Variants in ZNF35 observed in about 807,000 individuals in gnomAD.
ZNF35 encodes zinc finger protein 35 (clone HF.10).
ZNF35 carries 31 observed loss-of-function variants against 45.9 expected under a neutral mutation model. The observed-to-expected ratio is 0.68, with a 90% confidence interval of 0.51 to 0.91. ZNF35 has a LOEUF of 0.91. Ranked by LOEUF, ZNF35 falls within the 40% of genes least tolerant of loss-of-function variation. ZNF35 has a pLI of 0.00. For synonymous variants in ZNF35, 205 were observed against 220.2 expected (o/e 0.93, Z 0.61); for missense variants, 515 against 625.4 (o/e 0.82, Z 1.88).
intron 3 of ZNF35, among the ~76,000 whole-genome samples, chr3:44,656,424 T>C (rs1052085439): frequency 6.6e-6 from 1 of 150,918 alleles, no homozygotes; most frequent in African/African-American, 2.4e-5. Flanking sequence ...TGAGTTTCGC[T>C]CTGCTGCCCA....
chr3:44,656,967 G>A (rs1703321504), intron 3 of ZNF35, among the ~76,000 whole-genome samples: 2 of 152,194 alleles, frequency 1.3e-5, no homozygotes, highest in South Asian at 2.1e-4. Context: ...GAAGTGCTGG[G>A]GTTACAGGCA....
intron 3 of ZNF35, among the ~76,000 whole-genome samples, chr3:44,656,556 A>AT (rs1018966916): frequency 8.6e-5 from 13 of 151,138 alleles, no homozygotes; most frequent in Non-Finnish European, 1.9e-4. Context: ...ACACCCACCT[A>AT]TTTTTTTTGT....
In ZNF35 at chr3:44,659,938, T is replaced by C. The variant is rs758829151; in HGVS notation, c.1575T>C (p.Leu525=). 6.5e-7 allele frequency: 1 copy of C among 1,541,670 alleles called. No individual in the cohort carries two copies. The highest frequency in any genetic ancestry group is 2.0e-5 in the Admixed American group (1 of 48,864). ...SHLMRHHRTH[L]VE Reference sequence around the variant, plus strand: ...TCATGCGACACCATAGAACCCATCTTGTTGAATAACAAGTAAGGAAGAGGA... The same window carrying C: ...TCATGCGACACCATAGAACCCATCTCGTTGAATAACAAGTAAGGAAGAGGA... The change falls in exon 4 of 4, where the codon CTT becomes CTC. Residue 525 remains leucine (L), a synonymous_variant. Transcript: ENST00000396056. This position sits in a 1 kb window ranked among gnomAD's most constrained non-coding sequence, Gnocchi z 4.3.
chr3:44,646,686 T>G, upstream of ZNF35: 1 of 568,082 alleles, frequency 1.8e-6, no homozygotes, highest in Non-Finnish European at 3.2e-6. Context: ...TCTCTGCTTT[T>G]GTGTATGTAT....
upstream of ZNF35, chr3:44,648,549 T>C (rs1703094380): frequency 6.6e-6 from 1 of 152,224 alleles, no homozygotes; most frequent in Non-Finnish European, 1.5e-5. Flanking sequence ...TCATCCCTGC[T>C]TGGGATGCGC....
intron 1 of ZNF35, among the ~76,000 whole-genome samples, chr3:44,650,066 CTTTG>C (rs1447612905): frequency 5.0e-5 from 6 of 118,916 alleles, no homozygotes; most frequent in African/African-American, 1.4e-4. Flanking sequence ...CTGATAAGTA[CTTTG>C]TGTGTGTGTG....
intron 2 of ZNF35, among the ~76,000 whole-genome samples, chr3:44,651,689 T>C (rs1156260793): frequency 1.3e-5 from 2 of 151,982 alleles, no homozygotes; most frequent in Non-Finnish European, 2.9e-5. Flanking sequence ...AAAAATTAGC[T>C]TGGCATGGTG....
chr3:44,646,542 C>CA (rs749797263), upstream of ZNF35: 75 of 1,254,330 alleles, frequency 6.0e-5, no homozygotes, highest in Non-Finnish European at 8.1e-5. Context: ...CCACGAGAAA[C>CA]AGACACATCC....
chr3:44,653,707 G>T (rs1440011580), intron 3 of ZNF35, among the ~76,000 whole-genome samples: 2 of 152,172 alleles, frequency 1.3e-5, no homozygotes, highest in Non-Finnish European at 2.9e-5. Context: ...TTCTCTCTAA[G>T]CTAGGACTAG....
chr3:44,660,174 C>T lies in ZNF35; in HGVS notation c.*227C>T, dbSNP rs1575519210. ...GACTTTGTTTTAACTGTACCTTAAG[C>T]GGTCATGTTCTCTGAAGTGGAATGT... On this transcript the variant is annotated 3_prime_UTR_variant, in exon 4 of 4. Transcript: ENST00000396056. The T allele has an allele frequency of 1.0e-5, 4 of 397,644 alleles. No individual in the cohort carries two copies. Among genetic ancestry groups the T allele is most frequent in the African/African-American group, 4.1e-5 (2 of 49,382 alleles). 24.6% of individuals were successfully genotyped at this position (397,644 alleles called of 1,614,324 possible). A position where few individuals can be genotyped will look rare whatever the true frequency, so the allele number is the denominator to read the frequency against.
Position 44,658,814 on chromosome 3 carries a change from G to T in ZNF35, c.451G>T (p.Glu151Ter). 2 of 1,613,482 alleles carry T rather than the reference G, an allele frequency of 1.2e-6. No individual in the cohort carries two copies. Among genetic ancestry groups the T allele is most frequent in the Non-Finnish European group, 1.7e-6 (2 of 1,179,932 alleles). ...CCAGAAAGCTGATCCTCAAGGACCTGAGTTAGGAGAAGCTTGTGAAAAGGG... is the reference window on the plus strand; with the variant it reads ...CCAGAAAGCTGATCCTCAAGGACCTTAGTTAGGAGAAGCTTGTGAAAAGGG... Reference protein sequence around the residue: ...RIQKADPQGPELGEACEKGNM... With the variant: ...RIQKADPQGP Residue 151 changes from glutamate to a stop codon, truncating the protein, a stop_gained, in exon 4 of 4, where the codon GAG becomes TAG. Coordinates refer to ENST00000396056, the MANE Select transcript of ZNF35 (RefSeq NM_003420.4). LOFTEE classifies it high-confidence loss of function.
chr3:44,658,830 G>A lies in ZNF35; in HGVS notation c.467G>A (p.Cys156Tyr), dbSNP rs1345867841. 2 of 1,613,658 alleles carry A rather than the reference G, an allele frequency of 1.2e-6. No individual in the cohort carries two copies. Among genetic ancestry groups the A allele is most frequent in the African/African-American group, 1.3e-5 (1 of 75,014 alleles). The part of the protein sequence containing the change: ...DPQGPELGEA[C>Y]EKGNMLKRQR... ...CAAGGACCTGAGTTAGGAGAAGCTT[G>A]TGAAAAGGGAAACATGTTAAAGAGG... The change falls in exon 4 of 4, where the codon TGT becomes TAT. Residue 156 changes from cysteine to tyrosine, a missense_variant. Coordinates refer to ENST00000396056, the MANE Select transcript of ZNF35 (RefSeq NM_003420.4).
At chr3:44,648,999 C>T (rs911965923) in intron 1 of ZNF35, among the ~76,000 whole-genome samples, 165 bp downstream of exon 1, 2 of 152,210 alleles carry the variant, frequency 1.3e-5, no homozygotes, top group Non-Finnish European at 2.9e-5. Flanking sequence ...GGAATCCCGG[C>T]TGCTGCCCAC....
chr3:44,654,944 G>A (rs1703270828), intron 3 of ZNF35, among the ~76,000 whole-genome samples: 1 of 152,064 alleles, frequency 6.6e-6, no homozygotes, highest in African/African-American at 2.4e-5. Context: ...GACCAGCCTG[G>A]CCAACATGGT....
chr3:44,649,089 C>G (rs1218451489), intron 1 of ZNF35, among the ~76,000 whole-genome samples: 1 of 152,210 alleles, frequency 6.6e-6, no homozygotes, highest in Non-Finnish European at 1.5e-5. Context: ...CGCGAGGAGC[C>G]TATACGTGGA....
chr3:44,659,149 TG>T lies in ZNF35; in HGVS notation c.787del (p.Ala263GlnfsTer31). The T allele has an allele frequency of 1.2e-6, 2 of 1,613,638 alleles. No individual in the cohort carries two copies. The highest frequency in any genetic ancestry group is 2.2e-5 in the South Asian group (2 of 91,010). ...HECGKAFIQS[A>X]NLVVHQRIHT... ...AGTGTGGGAAGGCCTTCATTCAGAG[TG>T]CAAACCTCGTTGTGCATCAGAGAAT... is the stretch of plus-strand genomic sequence containing the variant. On this transcript the variant is annotated frameshift_variant, in exon 4 of 4. Coordinates refer to ENST00000396056, the MANE Select transcript of ZNF35 (RefSeq NM_003420.4). LOFTEE classifies it high-confidence loss of function. This position sits in a 1 kb window ranked among gnomAD's most constrained non-coding sequence, Gnocchi z 4.3.
chr3:44,652,632 A>G lies in ZNF35; in HGVS notation c.268A>G (p.Ser90Gly). The G allele has an allele frequency of 1.2e-6, 2 of 1,611,104 alleles. No homozygotes were observed. The highest frequency in any genetic ancestry group is 1.1e-5 in the South Asian group (1 of 90,118). Residue 90 changes from serine (S) to glycine (G), a missense_variant, in exon 3 of 4, where the codon AGC becomes GGC. This residue lies in a region of ZNF35 where 275 missense variants were observed against 295.7 expected (regional missense o/e 0.93). Transcript: ENST00000396056. ...QEAPAASTLG[S>G]YSLPGTLAKS... ...GGCACCTGCTGCTTCAACCCTTGGC[A>G]GCTACTCATTACCAGGGACTCTGGC...
chr3:44,658,419 C>T (rs1703346547), intron 3 of ZNF35, among the ~76,000 whole-genome samples: 1 of 152,182 alleles, frequency 6.6e-6, no homozygotes, highest in Non-Finnish European at 1.5e-5. Flanking sequence ...ATTGGCCCTC[C>T]CTGGCATGAG....
intron 1 of ZNF35, among the ~76,000 whole-genome samples, chr3:44,649,749 A>G (rs1228288409): frequency 6.6e-6 from 1 of 152,236 alleles, no homozygotes; most frequent in African/African-American, 2.4e-5. Context: ...ACTTTTAAAT[A>G]TTAATAAAAT....
Sources: allele counts gnomAD v4.1 joint callset (sites outside exome capture counted in the v4.1 genomes callset), GRCh38; gene constraint gnomAD v4.1.1; regional missense constraint gnomAD v4.1.1; non-coding constraint Gnocchi (gnomAD v3.1); transcripts MANE v1.5; gene names NCBI Gene and HGNC (gene_info 2026-07-23, HGNC 2026-07-21).